The following SV2B variants were observed in gnomAD, a reference collection of about 807,000 sequenced individuals.
The protein encoded by SV2B is synaptic vesicle glycoprotein 2B.
In SV2B, 41 loss-of-function variants were observed where a neutral mutation model predicts 73.9. That is an observed-to-expected ratio of 0.56 (90% CI 0.43 to 0.72). SV2B has a LOEUF of 0.72. SV2B is among the 30% of genes least tolerant of loss of function. The pLI is 0.00. For missense variants in SV2B, 764 were observed against 857.8 expected (o/e 0.89, Z 1.37); for synonymous variants, 314 against 314.2 (o/e 1.00, Z 0.01).
chr15:91,208,748 G>T (rs1052024929), intron 1 of SV2B, among the ~76,000 whole-genome samples: 4 of 152,162 alleles, frequency 2.6e-5, no homozygotes, highest in African/African-American at 9.7e-5. Context: ...CAATGAAGAT[G>T]CATCTTTTAA....
chr15:91,252,106 T>C lies in SV2B; in HGVS notation c.632+107T>C. The C allele has an allele frequency of 7.0e-7, 1 of 1,427,342 alleles. No individual in the cohort carries two copies. Among genetic ancestry groups the C allele is most frequent in the Non-Finnish European group, 9.4e-7 (1 of 1,060,638 alleles). 88.4% of individuals were successfully genotyped at this position (1,427,342 alleles called of 1,614,324 possible). A position where few individuals can be genotyped will look rare whatever the true frequency, so the allele number is the denominator to read the frequency against. On this transcript the variant is annotated intron_variant, in intron 3 of 12. Coordinates refer to ENST00000394232, the MANE Select transcript of SV2B (RefSeq NM_001323032.3). This position sits in a 1 kb window ranked among gnomAD's most constrained non-coding sequence, Gnocchi z 4.6. ...CTAGAAACCCTTGGACTGACTGAGT[T>C]TTTGTTTGACTTTCAGGATACTATA...
chr15:91,189,790 C>T (rs903925737), intron 1 of SV2B, among the ~76,000 whole-genome samples: 4 of 152,158 alleles, frequency 2.6e-5, no homozygotes, highest in East Asian at 1.9e-4. Flanking sequence ...AGATCGAGAC[C>T]GTCCTGGCTA....
rs1240812888 is a variant in SV2B, at chr15:91,121,377, A to G, written c.-392+21014A>G. Among the ~76,000 whole-genome samples, 1 of 152,150 alleles carries G rather than the reference A, an allele frequency of 6.6e-6. No homozygotes were observed. The highest frequency in any genetic ancestry group is 1.9e-4 in the East Asian group (1 of 5,204). ...ATGGGAGTATAAATTGAATTTTTTAAAAATAAGCTGCCCAATGATCCTAAT... is the reference window on the plus strand; with the variant it reads ...ATGGGAGTATAAATTGAATTTTTTAGAAATAAGCTGCCCAATGATCCTAAT... On this transcript the variant is annotated intron_variant, in intron 1 of 12. Transcript: ENST00000394232. The surrounding 1 kb of genome is among the most constrained non-coding windows in gnomAD (Gnocchi z 4.4).
At chr15:91,158,366 T>TTTTACCATTCATACAAGG (rs1292607417) in intron 1 of SV2B, among the ~76,000 whole-genome samples, 1 of 152,126 alleles carries the variant, frequency 6.6e-6, no homozygotes, top group South Asian at 2.1e-4. Context: ...GATTACAAGG[T>TTTTACCATTCATACAAGG]GATGGGGGAC....
intron 1 of SV2B, among the ~76,000 whole-genome samples, chr15:91,125,423 C>T (rs1433294394): frequency 6.6e-6 from 1 of 152,062 alleles, no homozygotes; most frequent in Non-Finnish European, 1.5e-5. Context: ...ATCCCAGCGG[C>T]CTTTGTATGA....
chr15:91,225,310 AT>A (rs11341077), intron 1 of SV2B, among the ~76,000 whole-genome samples: 20,959 of 151,710 alleles, frequency 0.14, 3,650 homozygotes, highest in African/African-American at 0.41. Context: ...GTTTCCGGCT[AT>A]TTTTTTTGGC....
intron 1 of SV2B, among the ~76,000 whole-genome samples, chr15:91,192,286 G>T (rs1331954922): frequency 6.6e-6 from 1 of 152,172 alleles, no homozygotes; most frequent in South Asian, 2.1e-4. Context: ...ATGACTAAAA[G>T]AATTTTCATT....
chr15:91,150,353 G>T (rs1443231007), intron 1 of SV2B, among the ~76,000 whole-genome samples: 1 of 152,110 alleles, frequency 6.6e-6, no homozygotes, highest in African/African-American at 2.4e-5. Context: ...TACAGCTGTT[G>T]GTAGGGTTTG....
chr15:91,245,536 A>G lies in SV2B; in HGVS notation c.452-6283A>G, dbSNP rs115425882. On this transcript the variant is annotated intron_variant, in intron 2 of 12. Transcript: ENST00000394232. The surrounding 1 kb of genome is among the most constrained non-coding windows in gnomAD (Gnocchi z 4.2). ...ATACATTTTGGGGGGTATTCCTCAG[A>G]TTTTCTTACAGTGAATAGGAATTAC... Among the ~76,000 whole-genome samples, 999 of 152,240 alleles carry G rather than the reference A, an allele frequency of 6.6e-3. 13 individuals carry two copies. The highest frequency in any genetic ancestry group is 0.023 in the African/African-American group (961 of 41,524).
In SV2B at chr15:91,289,140, GGTTTTT is replaced by G. The variant is rs1162117322; in HGVS notation, c.1709-368_1709-363del. Among the ~76,000 whole-genome samples the G allele has an allele frequency of 3.3e-5, 5 of 152,172 alleles. No individual in the cohort carries two copies. The highest frequency in any genetic ancestry group is 2.1e-4 in the South Asian group (1 of 4,826). On this transcript the variant is annotated intron_variant, in intron 11 of 12. Transcript: ENST00000394232. This position sits in a 1 kb window ranked among gnomAD's most constrained non-coding sequence, Gnocchi z 4.9. The stretch of plus-strand genomic sequence containing the variant: ...CATCCTGGTTTCAAATCAAGACTGA[GGTTTTT>G]GTTTTTGTTTTTTGGCCAATACTGA...
intron 1 of SV2B, among the ~76,000 whole-genome samples, chr15:91,119,147 A>G (rs1380439077): frequency 6.6e-6 from 1 of 152,202 alleles, no homozygotes; most frequent in Non-Finnish European, 1.5e-5. Flanking sequence ...CTTTGCAAGG[A>G]GCAAAGGGTT....
intron 12 of SV2B, among the ~76,000 whole-genome samples, chr15:91,291,293 C>A (rs2049031682): frequency 6.6e-6 from 1 of 150,904 alleles, no homozygotes; most frequent in Non-Finnish European, 1.5e-5. Flanking sequence ...GTTAAAAGAT[C>A]CAAGAAAATA....
chr15:91,292,653 C>A lies in SV2B; in HGVS notation c.*101C>A. ...ACGGTCCGGAGGACACCTTGGATAGCACGGGAGGAGAAGTTGACTTTGTGA... is the reference window on the plus strand; with the variant it reads ...ACGGTCCGGAGGACACCTTGGATAGAACGGGAGGAGAAGTTGACTTTGTGA... On this transcript the variant is annotated 3_prime_UTR_variant, in exon 13 of 13. Transcript: ENST00000394232. The A allele has an allele frequency of 7.2e-7, 1 of 1,395,980 alleles. No individual in the cohort carries two copies. The highest frequency in any genetic ancestry group is 9.6e-7 in the Non-Finnish European group (1 of 1,043,660). The allele number at this position is 1,395,980 out of a possible 1,614,324, so 86.5% of individuals were successfully genotyped here.
intron 1 of SV2B, among the ~76,000 whole-genome samples, chr15:91,161,838 G>A (rs960538055): frequency 2.0e-5 from 3 of 152,168 alleles, no homozygotes; most frequent in African/African-American, 4.8e-5. Context: ...TTTGTCCCCT[G>A]TGTATACTTC....
At chr15:91,107,520 C>T (rs563387042) in intron 1 of SV2B, among the ~76,000 whole-genome samples, 2 of 152,150 alleles carry the variant, frequency 1.3e-5, no homozygotes, top group East Asian at 1.9e-4. Flanking sequence ...ACCATGTTGG[C>T]CAGGATGGTC....
chr15:91,286,757 A>T (rs1372555797), intron 11 of SV2B, among the ~76,000 whole-genome samples: 2 of 152,182 alleles, frequency 1.3e-5, no homozygotes, highest in Non-Finnish European at 2.9e-5. Context: ...GCTCACAGAA[A>T]GGTGAAGCAA....
intron 1 of SV2B, among the ~76,000 whole-genome samples, chr15:91,155,950 TTC>T (rs1257816139): frequency 6.6e-6 from 1 of 152,092 alleles, no homozygotes; most frequent in Non-Finnish European, 1.5e-5. Flanking sequence ...CAACACCATA[TTC>T]TCTCTTTCCA....
rs534674977 is a variant in SV2B at position 91,288,106 on chromosome 15, G to A, written c.1709-1415G>A. On this transcript the variant is annotated intron_variant, in intron 11 of 12. Coordinates refer to ENST00000394232, the MANE Select transcript of SV2B (RefSeq NM_001323032.3). The surrounding 1 kb of genome is among the most constrained non-coding windows in gnomAD (Gnocchi z 5.8). ...ACAGAGCACATGTACAGAGGATAGC[G>A]CAGGGCTGAGAAGGGCAAGTCAGAT... 1.2e-3 allele frequency among the ~76,000 whole-genome samples: 183 copies of A among 152,218 alleles called. No homozygotes were observed. Among genetic ancestry groups the A allele is most frequent in the African/African-American group, 4.0e-3 (167 of 41,536 alleles).
At chr15:91,173,500 A>G (rs537015886) in intron 1 of SV2B, among the ~76,000 whole-genome samples, 1 of 152,142 alleles carries the variant, frequency 6.6e-6, no homozygotes, top group Admixed American at 6.5e-5. Flanking sequence ...GCTCTGTCAT[A>G]GATTGTATCA....
Sources: allele counts gnomAD v4.1 joint callset (sites outside exome capture counted in the v4.1 genomes callset), GRCh38; gene constraint gnomAD v4.1.1; non-coding constraint Gnocchi (gnomAD v3.1); transcripts MANE v1.5; gene names NCBI Gene and HGNC (gene_info 2026-07-23, HGNC 2026-07-21).